Variants in CCSER1 observed in about 807,000 individuals in gnomAD.
The protein encoded by CCSER1 is serine-rich coiled-coil domain-containing protein 1.
Under a neutral mutation model 82.0 loss-of-function variants are expected in CCSER1, and 41 were observed. The observed-to-expected ratio is 0.50, with a 90% confidence interval of 0.39 to 0.65. The LOEUF (loss-of-function observed/expected upper bound fraction) is 0.65, where lower values mean the gene tolerates loss of function less well. Ranked by LOEUF, CCSER1 falls within the 30% of genes least tolerant of loss-of-function variation. The pLI is 0.00. For synonymous variants in CCSER1, 414 were observed against 383.9 expected, an observed-to-expected ratio of 1.08 and a Z score of -0.92; for missense variants, 1,119 against 1,064.2, an observed-to-expected ratio of 1.05 and a Z score of -0.72.
intron 3 of CCSER1, among the ~76,000 whole-genome samples, chr4:90,361,989 T>G (rs1277540360): frequency 6.6e-6 from 1 of 152,178 alleles, no homozygotes; most frequent in Non-Finnish European, 1.5e-5. Context: ...AATGTGTCCT[T>G]CTAGTGCAAA....
At chr4:91,125,603 A>G (rs911923341) in intron 10 of CCSER1, among the ~76,000 whole-genome samples, 2 of 151,764 alleles carry the variant, frequency 1.3e-5, no homozygotes, top group Non-Finnish European at 3.0e-5. Context: ...TTGAAATACC[A>G]CACACAAAAA....
intron 5 of CCSER1, among the ~76,000 whole-genome samples, chr4:90,534,381 G>C (rs1037427747): frequency 6.6e-6 from 1 of 151,634 alleles, no homozygotes; most frequent in African/African-American, 2.4e-5. Context: ...CGCCCGCCTC[G>C]GCCTCCCGAA....
intron 8 of CCSER1, among the ~76,000 whole-genome samples, chr4:90,843,689 T>G (rs1463385293): frequency 2.0e-5 from 3 of 152,206 alleles, no homozygotes; most frequent in African/African-American, 7.2e-5. Context: ...GTATGCCTTG[T>G]TATTGTATAT....
At chr4:90,353,178 A>G (rs531089719) in intron 3 of CCSER1, among the ~76,000 whole-genome samples, 2 of 152,264 alleles carry the variant, frequency 1.3e-5, no homozygotes, top group African/African-American at 4.8e-5. Flanking sequence ...ATAATTATTT[A>G]TACTGGGCAT....
chr4:91,304,609 A>T lies in CCSER1; in HGVS notation c.2217+218615A>T, dbSNP rs77509852. Among the ~76,000 whole-genome samples the T allele has an allele frequency of 3.8e-3, 579 of 152,108 alleles. 1 individual carries two copies. The highest frequency in any genetic ancestry group is 5.2e-3 in the African/African-American group (214 of 41,552). ...ACATCACATACGTTCCTCTTTTATA[A>T]TGGAGGGCAGCCAGAATTTAATTAG... On this transcript the variant is annotated intron_variant, in intron 10 of 10. Coordinates refer to ENST00000509176, the MANE Select transcript of CCSER1 (RefSeq NM_001145065.2).
chr4:90,134,091 A>G (rs1412875524), intron 1 of CCSER1, among the ~76,000 whole-genome samples: 2 of 152,236 alleles, frequency 1.3e-5, no homozygotes, highest in African/African-American at 4.8e-5. Flanking sequence ...TACATGATAT[A>G]CACTTTATAA....
chr4:91,098,948 T>C (rs1022516579), intron 10 of CCSER1, among the ~76,000 whole-genome samples: 2 of 152,162 alleles, frequency 1.3e-5, no homozygotes, highest in African/African-American at 2.4e-5. Flanking sequence ...TTAGCAAAAA[T>C]CATTAAGCAC....
chr4:91,561,930 A>T (rs1560765082), intron 10 of CCSER1, among the ~76,000 whole-genome samples: 1 of 151,400 alleles, frequency 6.6e-6, no homozygotes, highest in African/African-American at 2.4e-5. Flanking sequence ...TTTTCAGGGC[A>T]ATATTTATTT....
chr4:91,136,581 G>A (rs1250471945), intron 10 of CCSER1, among the ~76,000 whole-genome samples: 25 of 151,972 alleles, frequency 1.6e-4, no homozygotes, highest in Admixed American at 1.6e-3. Context: ...CCCAACATTG[G>A]GAGAATTCTT....
At chr4:91,229,891 C>A (rs1188290217) in intron 10 of CCSER1, among the ~76,000 whole-genome samples, 1 of 152,002 alleles carries the variant, frequency 6.6e-6, no homozygotes, top group Non-Finnish European at 1.5e-5. Context: ...GCACACAGGG[C>A]TCAAAGCCTA....
At chr4:90,612,214 A>G (rs1785602784) in intron 5 of CCSER1, among the ~76,000 whole-genome samples, 1 of 152,312 alleles carries the variant, frequency 6.6e-6, no homozygotes, top group Admixed American at 6.5e-5. Context: ...ATTTTAGTTT[A>G]TAGAAAAGTT....
intron 10 of CCSER1, among the ~76,000 whole-genome samples, chr4:91,226,143 G>T (rs1738187223): frequency 6.6e-6 from 1 of 151,664 alleles, no homozygotes; most frequent in Admixed American, 6.6e-5. Flanking sequence ...CTCCTAAGCA[G>T]AATTAAATTC....
At chr4:90,863,373 A>C (rs182041726) in intron 8 of CCSER1, among the ~76,000 whole-genome samples, 4 of 152,010 alleles carry the variant, frequency 2.6e-5, no homozygotes, top group Admixed American at 2.6e-4. Flanking sequence ...AACATTATTC[A>C]CAGGAATCAT....
intron 8 of CCSER1, chr4:90,838,858 C>T (rs1447144324): frequency 5.6e-6 from 9 of 1,609,510 alleles, no homozygotes; most frequent in Non-Finnish European, 6.8e-6. Context: ...AATAAGAAGG[C>T]AATGCTTGTG....
chr4:90,890,975 C>T (rs1430029216), intron 8 of CCSER1, among the ~76,000 whole-genome samples: 1 of 151,948 alleles, frequency 6.6e-6, no homozygotes, highest in African/African-American at 2.4e-5. Context: ...TTAAATAAGA[C>T]CCATAAGAGA....
chr4:91,163,914 A>T (rs2148984465), intron 10 of CCSER1, among the ~76,000 whole-genome samples: 1 of 152,274 alleles, frequency 6.6e-6, no homozygotes, highest in East Asian at 1.9e-4. Context: ...TAATCAGGGC[A>T]TTTAGCCCAT....
At position 90,143,034 on chromosome 4, in the gene CCSER1, A is replaced by G. The variant is rs28737421; in HGVS notation, c.-42+15203A>G. ...CACTATTTGTCACTTCCTAGTGCTA[A>G]TGTTGGATGTATGAAAAGTGAGGAA... On this transcript the variant is annotated intron_variant, in intron 1 of 10. Transcript: ENST00000509176. 6.0e-3 allele frequency among the ~76,000 whole-genome samples: 913 copies of G among 152,292 alleles called. 7 individuals carry two copies. Among genetic ancestry groups the G allele is most frequent in the African/African-American group, 0.021 (887 of 41,564 alleles).
chr4:90,628,907 C>T (rs1008012018), intron 6 of CCSER1, among the ~76,000 whole-genome samples: 9 of 152,002 alleles, frequency 5.9e-5, no homozygotes, highest in African/African-American at 1.2e-4. Flanking sequence ...AAAGTATACC[C>T]GTGATTATTA....
chr4:90,298,273 AT>A (rs1265068665), intron 1 of CCSER1, among the ~76,000 whole-genome samples: 1 of 152,000 alleles, frequency 6.6e-6, no homozygotes, highest in African/African-American at 2.4e-5. Flanking sequence ...TTTCTAGTTT[AT>A]TTATGTAGGG....
Sources: gnomAD v4.1 joint callset for allele counts (sites outside exome capture counted in the v4.1 genomes callset) on GRCh38, gnomAD v4.1.1 for gene constraint, MANE v1.5 for transcripts, NCBI Gene and HGNC (gene_info 2026-07-23, HGNC 2026-07-21) for gene names.